HSD17B2: variants seen among roughly 807,000 people sequenced by gnomAD.
HSD17B2 encodes the protein hydroxysteroid 17-beta dehydrogenase 2.
Under a neutral mutation model 26.9 loss-of-function variants are expected in HSD17B2, and 32 were observed. The observed-to-expected ratio is 1.19, with a 90% CI of 0.90 to 1.60. The LOEUF is 1.60. Ranked by LOEUF, HSD17B2 falls within the 40% of genes most tolerant of loss-of-function variation. The probability of loss-of-function intolerance (pLI) is 0.00; values close to 1 mark genes in which losing one functional copy is unlikely to be tolerated. For synonymous variants in HSD17B2, 246 were observed against 186.7 expected, an observed-to-expected ratio of 1.32 and a Z score of -2.59; for missense variants, 613 against 468.6, an observed-to-expected ratio of 1.31 and a Z score of -2.85.
chr16:82,042,034 G>A (rs1435637659), intron 1 of HSD17B2, among the ~76,000 whole-genome samples: 3 of 145,810 alleles, frequency 2.1e-5, no homozygotes, highest in East Asian at 4.0e-4. Flanking sequence ...ACAGAGTCTC[G>A]CTCTGTCACC....
intron 1 of HSD17B2, among the ~76,000 whole-genome samples, chr16:82,042,854 C>T (rs920106822): frequency 6.6e-6 from 1 of 152,096 alleles, no homozygotes; most frequent in East Asian, 1.9e-4. Context: ...CTCCTGAACT[C>T]AGCTAATCCA....
chr16:82,081,363 T>G (rs2144002848), intron 3 of HSD17B2, among the ~76,000 whole-genome samples: 1 of 152,246 alleles, frequency 6.6e-6, no homozygotes, highest in African/African-American at 2.4e-5. Context: ...TCCTCCCCAC[T>G]AACTCCTTCT....
At chr16:82,094,293 C>T (rs1904775903) in intron 4 of HSD17B2, 1 of 152,214 alleles carries the variant, frequency 6.6e-6, no homozygotes, top group Non-Finnish European at 1.5e-5. Flanking sequence ...TAGAGTTTTC[C>T]TGTCTTCAGC....
At chr16:82,060,451 C>G (rs1246182480) in intron 1 of HSD17B2, among the ~76,000 whole-genome samples, 3 of 152,228 alleles carry the variant, frequency 2.0e-5, no homozygotes, top group Non-Finnish European at 4.4e-5. Context: ...CCCGGAGGTC[C>G]TCAGCCTCAG....
intron 1 of HSD17B2, among the ~76,000 whole-genome samples, chr16:82,065,666 C>A (rs183116195): frequency 6.6e-6 from 1 of 152,206 alleles, no homozygotes; most frequent in Non-Finnish European, 1.5e-5. Flanking sequence ...AATTCATACC[C>A]TTTCTTACAG....
chr16:82,035,637 C>T lies in HSD17B2; in HGVS notation c.213C>T (p.Tyr71=), dbSNP rs926991669. 6.2e-7 allele frequency: 1 copy of T among 1,613,830 alleles called. No homozygotes were observed. Among genetic ancestry groups the T allele is most frequent in the South Asian group, 1.1e-5 (1 of 91,074 alleles). Residue 71 remains tyrosine (Y), a synonymous_variant, in exon 1 of 5, where the codon TAC becomes TAT. Coordinates refer to ENST00000199936, the MANE Select transcript of HSD17B2 (RefSeq NM_002153.3). ...FSVSCFLMYT[Y]LSGQELLPVD... is the part of the protein sequence containing the mutation. ...TGTCATGCTTCCTCATGTATACTTA[C>T]TTATCTGGCCAAGAATTGTTACCTG...
intron 1 of HSD17B2, among the ~76,000 whole-genome samples, chr16:82,043,416 G>A (rs1297586742): frequency 2.1e-5 from 3 of 145,208 alleles, no homozygotes; most frequent in African/African-American, 8.7e-5. Flanking sequence ...CGGGCGCGGT[G>A]GCTCATGCCT....
intron 1 of HSD17B2, among the ~76,000 whole-genome samples, chr16:82,062,682 G>C (rs915092178): frequency 1.1e-4 from 17 of 152,218 alleles, no homozygotes; most frequent in African/African-American, 4.1e-4. Flanking sequence ...AGAGGATTCA[G>C]TGAGTAAATG....
intron 1 of HSD17B2, among the ~76,000 whole-genome samples, chr16:82,042,890 G>T (rs1913804852): frequency 6.6e-6 from 1 of 152,170 alleles, no homozygotes; most frequent in African/African-American, 2.4e-5. Context: ...CAAAGTGCTG[G>T]CATTACAGGT....
chr16:82,066,636 C>A (rs1475318621), intron 1 of HSD17B2, among the ~76,000 whole-genome samples: 2 of 152,164 alleles, frequency 1.3e-5, no homozygotes, highest in African/African-American at 2.4e-5. Context: ...TCTCTCCTTC[C>A]AAATTCTTTT....
At chr16:82,038,399 G>C (rs575437199) in intron 1 of HSD17B2, among the ~76,000 whole-genome samples, 4 of 152,078 alleles carry the variant, frequency 2.6e-5, no homozygotes, top group Admixed American at 1.3e-4. Context: ...GCCCAGGCTG[G>C]AGTGCAGTGG....
intron 1 of HSD17B2, among the ~76,000 whole-genome samples, chr16:82,052,101 C>T (rs545551861): frequency 9.9e-5 from 15 of 152,258 alleles, no homozygotes; most frequent in Admixed American, 3.3e-4. Flanking sequence ...GGAATCAAGT[C>T]GTATCCGAGA....
chr16:82,095,135 T>G (rs1904802753), intron 4 of HSD17B2: 1 of 152,042 alleles, frequency 6.6e-6, no homozygotes. Context: ...TGGCCAGAAA[T>G]TCCATGAGGT....
intron 3 of HSD17B2, among the ~76,000 whole-genome samples, chr16:82,088,716 C>A (rs910628714): frequency 6.6e-6 from 1 of 152,180 alleles, no homozygotes; most frequent in East Asian, 1.9e-4. Context: ...TTTCATGAAA[C>A]TATAAATCAC....
At chr16:82,069,489 T>C (rs1914648307) in intron 2 of HSD17B2, among the ~76,000 whole-genome samples, 1 of 152,204 alleles carries the variant, frequency 6.6e-6, no homozygotes, top group African/African-American at 2.4e-5. Flanking sequence ...AAGCATGTTG[T>C]TTATACTCTC....
At chr16:82,039,272 C>CAA (rs397771391) in intron 1 of HSD17B2, among the ~76,000 whole-genome samples, 1 of 151,256 alleles carries the variant, frequency 6.6e-6, no homozygotes, top group Non-Finnish European at 1.5e-5. Context: ...CACACACACA[C>CAA]GCACAAACAC....
chr16:82,087,919 C>A (rs1904575453), intron 3 of HSD17B2, among the ~76,000 whole-genome samples: 2 of 152,144 alleles, frequency 1.3e-5, no homozygotes, highest in Admixed American at 6.5e-5. Context: ...AATCCATTCA[C>A]CCCATCCTCA....
In HSD17B2 at chr16:82,053,254, G is replaced by C. The variant is rs370378067; in HGVS notation, c.266-14916G>C. Among the ~76,000 whole-genome samples the C allele has an allele frequency of 2.6e-5, 4 of 152,248 alleles. No individual in the cohort carries two copies. The East Asian group carries it at 7.7e-4, about 29-fold the overall frequency. ...ACGTACATCAGGGAATTGGTGATCA[G>C]AGTCACCTAGACTGCAGGGGAAAAA... is the stretch of plus-strand genomic sequence containing the variant. On this transcript the variant is annotated intron_variant, in intron 1 of 4. Transcript: ENST00000199936.
chr16:82,076,353 C>T (rs1000359413), intron 3 of HSD17B2, among the ~76,000 whole-genome samples: 1 of 152,158 alleles, frequency 6.6e-6, no homozygotes, highest in Non-Finnish European at 1.5e-5. Flanking sequence ...ACTTTCACCA[C>T]TGTTATTCCA....
Sources: gnomAD v4.1 joint callset for allele counts (sites outside exome capture counted in the v4.1 genomes callset) on GRCh38, gnomAD v4.1.1 for gene constraint, MANE v1.5 for transcripts, NCBI Gene and HGNC (gene_info 2026-07-23, HGNC 2026-07-21) for gene names.